The following CCDC134 variants were observed in gnomAD, a reference collection of about 807,000 sequenced individuals.
CCDC134 encodes coiled-coil domain-containing protein 134.
Under a neutral mutation model 25.6 loss-of-function variants are expected in CCDC134, and 27 were observed. The observed-to-expected ratio is 1.05, with a 90% CI of 0.78 to 1.45. The LOEUF (loss-of-function observed/expected upper bound fraction) is 1.45. Among genes scored for constraint, CCDC134 ranks in the 40% most tolerant of loss-of-function variants. The pLI is 0.00. For synonymous variants in CCDC134, 110 were observed against 115.0 expected (o/e 0.96, Z 0.28); for missense variants, 261 against 286.7 (o/e 0.91, Z 0.65).
intron 2 of CCDC134, 82 bp from the exon 3 acceptor site, chr22:41,809,797 A>G (rs1029116903): frequency 6.4e-7 from 1 of 1,572,428 alleles, no homozygotes; most frequent in African/African-American, 1.3e-5. Flanking sequence ...CTTGCTGGTC[A>G]GGAATGAGCC....
rs1255881107 is a variant in CCDC134 at position 41,831,219 on chromosome 22, C to CAA, written c.*5397_*5398insAA. 1 of 151,414 alleles carries CAA rather than the reference C, an allele frequency of 6.6e-6. No individual in the cohort carries two copies. The highest frequency in any genetic ancestry group is 2.4e-5 in the African/African-American group (1 of 41,202). 9.4% of individuals were successfully genotyped at this position (151,414 alleles called of 1,614,324 possible). Reference sequence around the variant, plus strand: ...TATTTTTTCTTTCTTTTTTTTGAGACAGAGTCTTGCTCTGTCTCCCAGGCT... The same window carrying CAA: ...TATTTTTTCTTTCTTTTTTTTGAGACAAAGAGTCTTGCTCTGTCTCCCAGGCT... On this transcript the variant is annotated 3_prime_UTR_variant, in exon 7 of 7. Transcript: ENST00000255784.
Position 41,830,596 on chromosome 22 carries a change from G to A in CCDC134, c.*4773G>A, listed in dbSNP as rs1464309599. The stretch of plus-strand genomic sequence containing the variant: ...TTTCTGTGTCTTTCAGGGTGAGACT[G>A]GTGTATTCTATACCAGCCTCCCTGT... On this transcript the variant is annotated 3_prime_UTR_variant, in exon 7 of 7. Transcript: ENST00000255784. Among the ~76,000 whole-genome samples, 1 of 152,160 alleles carries A rather than the reference G, an allele frequency of 6.6e-6. No homozygotes were observed. Among genetic ancestry groups the A allele is most frequent in the African/African-American group, 2.4e-5 (1 of 41,440 alleles).
Position 41,830,776 on chromosome 22 carries a change from C to T in CCDC134, c.*4953C>T, listed in dbSNP as rs903996840. On this transcript the variant is annotated 3_prime_UTR_variant, in exon 7 of 7. Transcript: ENST00000255784. The stretch of plus-strand genomic sequence containing the variant: ...AAATTCACTCCAAAAGTAAAATTCA[C>T]CCCAAATCTCACTACTCCTGTAACT... 2.6e-5 allele frequency among the ~76,000 whole-genome samples: 4 copies of T among 152,160 alleles called. No homozygotes were observed. Among genetic ancestry groups the T allele is most frequent in the Admixed American group, 2.0e-4 (3 of 15,280 alleles).
At chr22:41,801,705 CAG>C (rs1177709506) in intron 1 of CCDC134, among the ~76,000 whole-genome samples, 1 of 152,076 alleles carries the variant, frequency 6.6e-6, no homozygotes, top group African/African-American at 2.4e-5. Context: ...ACCATGAGTG[CAG>C]AGATTTTTGC....
At chr22:41,819,963 T>TATATATATATA (rs57794600) in intron 6 of CCDC134, among the ~76,000 whole-genome samples, 2 of 82,628 alleles carry the variant, frequency 2.4e-5, no homozygotes, top group African/African-American at 1.2e-4. Context: ...ACTTACCACT[T>TATATATATATA]TATATATATA....
chr22:41,808,406 C>G (rs1327089284), intron 1 of CCDC134, among the ~76,000 whole-genome samples: 1 of 152,070 alleles, frequency 6.6e-6, no homozygotes, highest in East Asian at 1.9e-4. Context: ...CAGATGCTTT[C>G]CTGGGAGACC....
chr22:41,802,336 C>T (rs373389869), intron 1 of CCDC134, among the ~76,000 whole-genome samples: 64 of 152,282 alleles, frequency 4.2e-4, no homozygotes, highest in African/African-American at 1.5e-3. Flanking sequence ...AGTGCTGGGA[C>T]GGACCTATCT....
At chr22:41,821,519 T>A (rs563522891) in intron 6 of CCDC134, among the ~76,000 whole-genome samples, 3 of 146,946 alleles carry the variant, frequency 2.0e-5, no homozygotes, top group South Asian at 2.3e-4. Context: ...TGTGTCCATG[T>A]GTTCTCATTG....
chr22:41,825,873 G>A lies in CCDC134; in HGVS notation c.*50G>A. On this transcript the variant is annotated 3_prime_UTR_variant, in exon 7 of 7. Coordinates refer to ENST00000255784, the MANE Select transcript of CCDC134 (RefSeq NM_024821.5). The surrounding 1 kb of genome is among the most constrained non-coding windows in gnomAD (Gnocchi z 4.4). ...GGGCCACAAGGAGGCAGGTCGGGAGGAAGAAGAGGTGGAGGTGTGGTTGTG... is the reference window on the plus strand; with the variant it reads ...GGGCCACAAGGAGGCAGGTCGGGAGAAAGAAGAGGTGGAGGTGTGGTTGTG... 8 of 1,606,384 alleles carry A rather than the reference G, an allele frequency of 5.0e-6. No homozygotes were observed. Among genetic ancestry groups the A allele is most frequent in the Non-Finnish European group, 6.8e-6 (8 of 1,175,554 alleles).
At position 41,831,635 on chromosome 22, in the gene CCDC134, G is replaced by T. The variant is rs898801011; in HGVS notation, c.*5812G>T. 1.3e-5 allele frequency: 2 copies of T among 152,234 alleles called. No homozygotes were observed. The highest frequency in any genetic ancestry group is 6.5e-5 in the Admixed American group (1 of 15,290). The allele number at this position is 152,234 out of a possible 1,614,324, so 9.4% of individuals were successfully genotyped here. On this transcript the variant is annotated 3_prime_UTR_variant, in exon 7 of 7. Coordinates refer to ENST00000255784, the MANE Select transcript of CCDC134 (RefSeq NM_024821.5). ...TTCCCCTTTGGCTGTAACAGCTGCAGTTCTCTCATAATTTTAGGTTTCATC... is the reference window on the plus strand; with the variant it reads ...TTCCCCTTTGGCTGTAACAGCTGCATTTCTCTCATAATTTTAGGTTTCATC...
At position 41,830,326 on chromosome 22, in the gene CCDC134, G is replaced by A. The variant is rs532427859; in HGVS notation, c.*4503G>A. Among the ~76,000 whole-genome samples the A allele has an allele frequency of 2.6e-5, 4 of 152,330 alleles. No homozygotes were observed. The highest frequency in any genetic ancestry group is 6.5e-5 in the Admixed American group (1 of 15,300). ...TTCAGTCCACTTGGCGAGGCATCACGCCCTCTGGGCAGGCTCAGTGGGGAA... is the reference window on the plus strand; with the variant it reads ...TTCAGTCCACTTGGCGAGGCATCACACCCTCTGGGCAGGCTCAGTGGGGAA... On this transcript the variant is annotated 3_prime_UTR_variant, in exon 7 of 7. Transcript: ENST00000255784.
rs561657097 is a variant in CCDC134, at chr22:41,826,686, G to A, written c.*863G>A. ...AGGCCGCAGCCCTGCAGGAGGCCGT[G>A]CTCCGCAATGGCTGCCCTAAGCTGC... On this transcript the variant is annotated 3_prime_UTR_variant, in exon 7 of 7. Transcript: ENST00000255784. 6.6e-6 allele frequency among the ~76,000 whole-genome samples: 1 copy of A among 152,306 alleles called. No homozygotes were observed. Among genetic ancestry groups the A allele is most frequent in the African/African-American group, 2.4e-5 (1 of 41,568 alleles).
At chr22:41,820,971 G>C (rs2076649119) in intron 6 of CCDC134, among the ~76,000 whole-genome samples, 1 of 152,172 alleles carries the variant, frequency 6.6e-6, no homozygotes. Context: ...CTGAGGCCTG[G>C]GATGGGGCTG....
In CCDC134 at chr22:41,828,353, G is replaced by T. The variant is rs963150461; in HGVS notation, c.*2530G>T. ...TCAGTGATGTGTGCCCTTCTCTGAC[G>T]GTTCCTTGTTCATCCCATGTATTTA... On this transcript the variant is annotated 3_prime_UTR_variant, in exon 7 of 7. Coordinates refer to ENST00000255784, the MANE Select transcript of CCDC134 (RefSeq NM_024821.5). Among the ~76,000 whole-genome samples, 2 of 152,154 alleles carry T rather than the reference G, an allele frequency of 1.3e-5. No individual in the cohort carries two copies. Among genetic ancestry groups the T allele is most frequent in the African/African-American group, 4.8e-5 (2 of 41,398 alleles).
rs67246997 is a variant in CCDC134, at chr22:41,830,884, CTTTTTTTTTTTT to C, written c.*5072_*5083del. Among the ~76,000 whole-genome samples the C allele has an allele frequency of 1.7e-5, 2 of 117,292 alleles. No individual in the cohort carries two copies. The highest frequency in any genetic ancestry group is 8.9e-5 in the Admixed American group (1 of 11,232). 76.9% of individuals were successfully genotyped at this position (117,292 alleles called of 152,430 possible). ...AGATCCTTATTTTTTCTTTTCTTTT[CTTTTTTTTTTTT>C]TTTTTTTTTTGAGACGCAGTCTCCT... is the stretch of plus-strand genomic sequence containing the variant. On this transcript the variant is annotated 3_prime_UTR_variant, in exon 7 of 7. Coordinates refer to ENST00000255784, the MANE Select transcript of CCDC134 (RefSeq NM_024821.5).
intron 6 of CCDC134, among the ~76,000 whole-genome samples, chr22:41,814,185 C>T (rs1411269239): frequency 1.3e-5 from 2 of 152,214 alleles, no homozygotes; most frequent in African/African-American, 4.8e-5. Flanking sequence ...ACTGGGCTTC[C>T]ATCCCGCACT....
intron 1 of CCDC134, among the ~76,000 whole-genome samples, chr22:41,802,288 A>G (rs2076547252): frequency 6.6e-6 from 1 of 152,170 alleles, no homozygotes; most frequent in Non-Finnish European, 1.5e-5. Flanking sequence ...CTTTCTCCAA[A>G]AACTTTACTG....
chr22:41,807,256 T>A (rs1760605710), intron 1 of CCDC134, among the ~76,000 whole-genome samples: 1 of 151,764 alleles, frequency 6.6e-6, no homozygotes, highest in African/African-American at 2.4e-5. Context: ...AACAGCAGAG[T>A]TAGAACCAGA....
intron 6 of CCDC134, among the ~76,000 whole-genome samples, chr22:41,818,683 A>G (rs1403624471): frequency 6.6e-6 from 1 of 152,172 alleles, no homozygotes; most frequent in Non-Finnish European, 1.5e-5. Flanking sequence ...TCAGTGGGGT[A>G]GCTGCCACCC....
Sources: gnomAD v4.1 joint callset for allele counts (sites outside exome capture counted in the v4.1 genomes callset) on GRCh38, gnomAD v4.1.1 for gene constraint, Gnocchi (gnomAD v3.1) non-coding constraint, MANE v1.5 for transcripts, NCBI Gene and HGNC (gene_info 2026-07-23, HGNC 2026-07-21) for gene names.